Variants in SULF1 observed in about 807,000 individuals in gnomAD.
The protein encoded by SULF1 is extracellular sulfatase Sulf-1.
A neutral mutation model predicts 110.5 loss-of-function variants in SULF1; 46 were observed. That is an observed-to-expected ratio of 0.42 (90% CI 0.33 to 0.53). The LOEUF (loss-of-function observed/expected upper bound fraction) is 0.53. Among genes scored for constraint, SULF1 ranks in the 20% least tolerant of loss-of-function variants. The pLI, the probability that SULF1 is intolerant of heterozygous loss-of-function variation, is 0.12. For synonymous variants in SULF1, 371 were observed against 387.1 expected (o/e 0.96, Z 0.49); for missense variants, 941 against 1,094.2 (o/e 0.86, Z 1.98).
At chr8:69,616,264 G>A (rs1809138274) in intron 13 of SULF1, among the ~76,000 whole-genome samples, 1 of 150,324 alleles carries the variant, frequency 6.7e-6, no homozygotes, top group African/African-American at 2.4e-5. Flanking sequence ...CTGTCACCCA[G>A]GCTGGAGTGC....
chr8:69,517,362 T>C (rs558778735), intron 3 of SULF1, among the ~76,000 whole-genome samples: 22 of 152,200 alleles, frequency 1.4e-4, no homozygotes, highest in Non-Finnish European at 5.9e-5. Context: ...CAACGTGAGT[T>C]TTGAATTTAA....
intron 7 of SULF1, 68 bp from the exon 8 acceptor site, chr8:69,588,904 T>G: frequency 6.7e-7 from 1 of 1,490,344 alleles, no homozygotes; most frequent in Non-Finnish European, 9.2e-7. Context: ...AGGAAAGCAG[T>G]TATTCAAATG....
intron 5 of SULF1, among the ~76,000 whole-genome samples, chr8:69,572,123 G>A (rs781602801): frequency 1.3e-5 from 2 of 152,194 alleles, no homozygotes; most frequent in African/African-American, 2.4e-5. Flanking sequence ...TCTAAGAGGC[G>A]AGAAGAATCA....
intron 1 of SULF1, among the ~76,000 whole-genome samples, chr8:69,467,381 T>G (rs569603853): frequency 6.6e-6 from 1 of 152,380 alleles, no homozygotes; most frequent in East Asian, 1.9e-4. Flanking sequence ...GAGGTGGAAG[T>G]GCTTTCTTCA....
Position 69,564,224 on chromosome 8 carries a change from TTC to T in SULF1, c.172+79_172+80del, listed in dbSNP as rs746004550. ...CGAGTCTCAGGATTATCAGGAGACA[TTC>T]TGAGGCTTTGCACTTAATTATTGCA... is the stretch of plus-strand genomic sequence containing the variant. On this transcript the variant is annotated intron_variant, in intron 5 of 22. Coordinates refer to ENST00000402687, the MANE Select transcript of SULF1 (RefSeq NM_001128205.2). 1.8e-4 allele frequency: 284 copies of T among 1,545,450 alleles called. 2 individuals are homozygous for T. In the East Asian group the frequency reaches 6.0e-3, roughly 33 times the overall value.
At chr8:69,566,030 A>G (rs1815857951) in intron 5 of SULF1, among the ~76,000 whole-genome samples, 1 of 151,954 alleles carries the variant, frequency 6.6e-6, no homozygotes, top group African/African-American at 2.4e-5. Flanking sequence ...CCTCCCCTCC[A>G]GCAGCATTGA....
At chr8:69,505,852 A>G (rs1811145667) in intron 3 of SULF1, among the ~76,000 whole-genome samples, 1 of 151,992 alleles carries the variant, frequency 6.6e-6, no homozygotes, top group African/African-American at 2.4e-5. Context: ...CTCATTTAAA[A>G]TTAGGTATTT....
rs79021625 is a variant in SULF1 at position 69,579,717 on chromosome 8, A to T, written c.412+3508A>T. ...GTTATTGATCCAACCATGGACAACA[A>T]CCCATTTGAAAATACACAAATAAGT... On this transcript the variant is annotated intron_variant, in intron 6 of 22. Transcript: ENST00000402687. Among the ~76,000 whole-genome samples, 1,018 of 152,322 alleles carry T rather than the reference A, an allele frequency of 6.7e-3. 3 individuals are homozygous for T. Among genetic ancestry groups the T allele is most frequent in the Middle Eastern group, 0.027 (8 of 294 alleles).
chr8:69,601,779 T>C lies in SULF1; in HGVS notation c.1011T>C (p.Asp337=), dbSNP rs1266107743. 4.3e-6 allele frequency: 7 copies of C among 1,612,106 alleles called. No individual in the cohort carries two copies. The highest frequency in any genetic ancestry group is 5.9e-6 in the Non-Finnish European group (7 of 1,179,364). ...VKGKSMPYDF[D]IRVPFFIRGP... is the part of the protein sequence containing the mutation. ...GGAAATCCATGCCATATGACTTTGA[T>C]ATTCGTGTGCCTTTTTTTATTCGTG... Residue 337 remains aspartate (D), a synonymous_variant, in exon 10 of 23, where the codon GAT becomes GAC. Transcript: ENST00000402687.
At chr8:69,495,067 G>A (rs975950696) in intron 1 of SULF1, among the ~76,000 whole-genome samples, 1 of 152,038 alleles carries the variant, frequency 6.6e-6, no homozygotes, top group Non-Finnish European at 1.5e-5. Context: ...ATTAGTTTTG[G>A]GCCTGGGCTA....
intron 8 of SULF1, 129 bp from the exon 9 acceptor site, chr8:69,600,474 T>C (rs1274210792): frequency 1.2e-6 from 1 of 841,304 alleles, no homozygotes; most frequent in Non-Finnish European, 1.7e-6. Flanking sequence ...CAGAAGATAG[T>C]TGGAAGAGGA....
intron 12 of SULF1, 53 bp from the exon 13 acceptor site, chr8:69,604,750 G>C: frequency 6.2e-7 from 1 of 1,605,704 alleles, no homozygotes; most frequent in Non-Finnish European, 8.5e-7. Context: ...AGGACTCAGG[G>C]ACCGTAATTC....
At position 69,643,207 on chromosome 8, in the gene SULF1, AC is replaced by A. The variant is rs373045043; in HGVS notation, c.2585+2369del. On this transcript the variant is annotated intron_variant, in intron 22 of 22. Coordinates refer to ENST00000402687, the MANE Select transcript of SULF1 (RefSeq NM_001128205.2). ...AGTCACACCTGGGAATTCACTAAAC[AC>A]CCAAATGCAGTGTTTGATGTGGCCT... 2.7e-3 allele frequency among the ~76,000 whole-genome samples: 404 copies of A among 152,334 alleles called. 2 individuals are homozygous for A. The highest frequency in any genetic ancestry group is 9.2e-3 in the African/African-American group (384 of 41,572).
At chr8:69,608,027 T>C (rs888704820) in intron 13 of SULF1, among the ~76,000 whole-genome samples, 11 of 152,210 alleles carry the variant, frequency 7.2e-5, no homozygotes, top group African/African-American at 2.7e-4. Flanking sequence ...AGATAGTGAA[T>C]GCCCCCCTCC....
Position 69,603,757 on chromosome 8 carries a change from A to C in SULF1, c.1247+101A>C, listed in dbSNP as rs1336131519. The C allele has an allele frequency of 2.1e-5, 17 of 817,708 alleles. No homozygotes were observed. The East Asian group carries it at 4.3e-4, about 20-fold the overall frequency. The allele number at this position is 817,708 out of a possible 1,614,324, so 50.7% of individuals were successfully genotyped here. A position where few individuals can be genotyped will look rare whatever the true frequency, so the allele number is the denominator to read the frequency against. On this transcript the variant is annotated intron_variant, in intron 12 of 22. Transcript: ENST00000402687. ...CCTTATTTTTGTTTACTAAGCATGC[A>C]GATTTCGTAAACCTAGTCACAAGAT...
chr8:69,552,974 C>T (rs1814837974), intron 3 of SULF1, among the ~76,000 whole-genome samples: 1 of 152,160 alleles, frequency 6.6e-6, no homozygotes, highest in South Asian at 2.1e-4. Context: ...TCCCTTGTTA[C>T]CTACACAGGG....
At chr8:69,646,465 G>T (rs952812340) in intron 22 of SULF1, among the ~76,000 whole-genome samples, 1 of 147,474 alleles carries the variant, frequency 6.8e-6, no homozygotes, top group Admixed American at 6.8e-5. Flanking sequence ...TCACACTGTC[G>T]CCTGGGCTGG....
chr8:69,557,500 T>G (rs1815190041), intron 3 of SULF1, among the ~76,000 whole-genome samples: 1 of 152,196 alleles, frequency 6.6e-6, no homozygotes, highest in African/African-American at 2.4e-5. Context: ...CAAAGGCACA[T>G]TTCTCACTTC....
Position 69,628,156 on chromosome 8 carries a change from TC to T in SULF1, c.2043-14del. 1 of 1,608,414 alleles carries T rather than the reference TC, an allele frequency of 6.2e-7. No individual in the cohort carries two copies. The highest frequency in any genetic ancestry group is 1.3e-5 in the African/African-American group (1 of 74,926). ...AAGGCTATGAAGTCTCACTTTTTAATCTTCTCTCCTGCAGCTATTACAATAA... is the reference window on the plus strand; with the variant it reads ...AAGGCTATGAAGTCTCACTTTTTAATTTCTCTCCTGCAGCTATTACAATAA... On this transcript the variant is annotated splice_polypyrimidine_tract_variant and intron_variant, in intron 17 of 22. Coordinates refer to ENST00000402687, the MANE Select transcript of SULF1 (RefSeq NM_001128205.2).
Sources: gnomAD v4.1 joint callset for allele counts (sites outside exome capture counted in the v4.1 genomes callset) on GRCh38, gnomAD v4.1.1 for gene constraint, MANE v1.5 for transcripts, NCBI Gene and HGNC (gene_info 2026-07-23, HGNC 2026-07-21) for gene names.